Variants in CHST8 observed in about 807,000 individuals in gnomAD.
CHST8 encodes the protein GALNAC-4-ST1.
A neutral mutation model predicts 15.0 loss-of-function variants in CHST8; 10 were observed. That is an observed-to-expected ratio of 0.67 (90% CI 0.41 to 1.13). The LOEUF (loss-of-function observed/expected upper bound fraction) is 1.13. CHST8 is among the 50% of genes most tolerant of loss of function. The pLI is 0.00. For synonymous variants in CHST8, 259 were observed against 256.6 expected, an observed-to-expected ratio of 1.01 and a Z score of -0.09; for missense variants, 634 against 608.2, an observed-to-expected ratio of 1.04 and a Z score of -0.45.
chr19:33,624,357 C>G (rs1052196978), intron 1 of CHST8, among the ~76,000 whole-genome samples: 1 of 152,178 alleles, frequency 6.6e-6, no homozygotes, highest in Non-Finnish European at 1.5e-5. Context: ...AGAACATCCC[C>G]CTCGGACTGT....
chr19:33,652,277 AT>A (rs1159887396), intron 1 of CHST8, among the ~76,000 whole-genome samples: 1 of 148,748 alleles, frequency 6.7e-6, no homozygotes, highest in East Asian at 2.0e-4. Flanking sequence ...CACTTTCAAC[AT>A]TTCTGTGTCA....
chr19:33,663,957 A>G (rs1972618130), intron 1 of CHST8, among the ~76,000 whole-genome samples: 1 of 152,180 alleles, frequency 6.6e-6, no homozygotes, highest in African/African-American at 2.4e-5. Context: ...TTGTTAAGTG[A>G]AAAAAAGCAA....
chr19:33,732,412 A>G (rs1344145197), intron 3 of CHST8, among the ~76,000 whole-genome samples: 4 of 151,840 alleles, frequency 2.6e-5, no homozygotes, highest in African/African-American at 9.7e-5. Flanking sequence ...TACTTCAGAC[A>G]CTGGCCGCAA....
At chr19:33,658,806 C>T (rs1289348898) in intron 1 of CHST8, among the ~76,000 whole-genome samples, 2 of 152,042 alleles carry the variant, frequency 1.3e-5, no homozygotes, top group Non-Finnish European at 2.9e-5. Flanking sequence ...CAGTTTATTA[C>T]TTTTTCTACC....
At chr19:33,644,864 C>T (rs1430017796) in intron 1 of CHST8, among the ~76,000 whole-genome samples, 3 of 152,120 alleles carry the variant, frequency 2.0e-5, no homozygotes, top group Non-Finnish European at 2.9e-5. Context: ...CAAGGTGGGC[C>T]TCCCTGAGAA....
Position 33,772,211 on chromosome 19 carries a change from G to A in CHST8, c.423G>A (p.Thr141=), listed in dbSNP as rs761553832. 5 of 1,594,996 alleles carry A rather than the reference G, an allele frequency of 3.1e-6. No individual in the cohort carries two copies. Among genetic ancestry groups the A allele is most frequent in the Admixed American group, 3.5e-5 (2 of 57,956 alleles). The change falls in exon 5 of 5, where the codon ACG becomes ACA. Residue 141 remains threonine (T), a synonymous_variant. Transcript: ENST00000650847. ...DAPFIRPGPG[T]LDGRWVSLHR... is the part of the protein sequence containing the mutation. Reference sequence around the variant, plus strand: ...CCTTCATCCGGCCGGGACCCGGGACGCTGGATGGCCGCTGGGTCAGCCTGC... The same window carrying A: ...CCTTCATCCGGCCGGGACCCGGGACACTGGATGGCCGCTGGGTCAGCCTGC...
At chr19:33,627,107 G>GA (rs1009986149) in intron 1 of CHST8, among the ~76,000 whole-genome samples, 1 of 113,444 alleles carries the variant, frequency 8.8e-6, no homozygotes, top group Non-Finnish European at 1.8e-5. Context: ...TTGGGGGGGG[G>GA]GCGGGTGGGG....
In CHST8 at chr19:33,765,070, A is replaced by ATATATATATATATG. The variant is rs71181381; in HGVS notation, c.131-6340_131-6339insATATATATATGTAT. Reference sequence around the variant, plus strand: ...TATTCCATCATATATATATATATATATATCAGAGTTTCTTTATCCACTCGT... The same window carrying ATATATATATATATG: ...TATTCCATCATATATATATATATATATATATATATATATGTATCAGAGTTTCTTTATCCACTCGT... On this transcript the variant is annotated intron_variant, in intron 3 of 4. Coordinates refer to ENST00000650847, the MANE Select transcript of CHST8 (RefSeq NM_001127895.2). Among the ~76,000 whole-genome samples, 12 of 113,148 alleles carry ATATATATATATATG rather than the reference A, an allele frequency of 1.1e-4. 1 individual carries two copies. Among genetic ancestry groups the ATATATATATATATG allele is most frequent in the African/African-American group, 3.8e-4 (9 of 23,778 alleles). 74.2% of individuals were successfully genotyped at this position (113,148 alleles called of 152,430 possible).
intron 1 of CHST8, among the ~76,000 whole-genome samples, chr19:33,625,621 G>T (rs1972042577): frequency 6.6e-6 from 1 of 152,080 alleles, no homozygotes; most frequent in Admixed American, 6.5e-5. Context: ...CAGCACTTTG[G>T]GAGGCCGAGG....
In CHST8 at chr19:33,772,258, A is replaced by T; in HGVS notation, c.470A>T (p.Lys157Met). The change falls in exon 5 of 5, where the codon AAG becomes ATG. Residue 157 changes from lysine (K) to methionine (M), a missense_variant. Physicochemically the swap from Lys to Met is moderately conservative, Grantham distance 95. Transcript: ENST00000650847. ...CTGCACCGGAGCCAGCAGGAGCGCA[A>T]GCGGGTGATGCAGGAGGCCTGCGCC... is the stretch of plus-strand genomic sequence containing the variant. ...VSLHRSQQER[K>M]RVMQEACAKY... The T allele has an allele frequency of 6.2e-7, 1 of 1,600,526 alleles. No individual in the cohort carries two copies. The highest frequency in any genetic ancestry group is 8.5e-7 in the Non-Finnish European group (1 of 1,178,444).
intron 3 of CHST8, among the ~76,000 whole-genome samples, chr19:33,766,955 C>T (rs1209768689): frequency 6.6e-6 from 1 of 152,270 alleles, no homozygotes; most frequent in East Asian, 1.9e-4. Context: ...AACTCCACCA[C>T]AGACAGGGAC....
At chr19:33,689,140 C>A (rs7250388) in intron 2 of CHST8, 36 bp from the exon 3 acceptor site, 1 of 1,255,892 alleles carries the variant, frequency 8.0e-7, no homozygotes, top group Non-Finnish European at 1.1e-6. Flanking sequence ...GGGTGCCTCG[C>A]GCCTCGGTGA....
chr19:33,771,924 C>G, intron 4 of CHST8, 33 bp from the exon 5 acceptor site: 2 of 1,526,434 alleles, frequency 1.3e-6, no homozygotes, highest in Non-Finnish European at 1.8e-6. Flanking sequence ...GCTGTCCTTT[C>G]CACTCAGATA....
chr19:33,752,480 G>A (rs1252455329), intron 3 of CHST8, among the ~76,000 whole-genome samples: 3 of 152,172 alleles, frequency 2.0e-5, no homozygotes, highest in African/African-American at 4.8e-5. Flanking sequence ...TGTGTTGGCC[G>A]ATTAATATTC....
intron 1 of CHST8, among the ~76,000 whole-genome samples, chr19:33,640,706 G>A (rs908660229): frequency 2.6e-5 from 4 of 152,196 alleles, no homozygotes; most frequent in African/African-American, 9.7e-5. Context: ...CCGGGGATGT[G>A]ACTGAATCTT....
chr19:33,669,220 G>A (rs144223233), intron 2 of CHST8, among the ~76,000 whole-genome samples: 1 of 152,256 alleles, frequency 6.6e-6, no homozygotes, highest in Non-Finnish European at 1.5e-5. Flanking sequence ...TCACCCTTTG[G>A]CTACTGGCCA....
intron 1 of CHST8, among the ~76,000 whole-genome samples, chr19:33,648,095 G>A (rs1972376866): frequency 6.6e-6 from 1 of 152,084 alleles, no homozygotes; most frequent in Non-Finnish European, 1.5e-5. Flanking sequence ...GTGGGGGATT[G>A]GCCATAGGTA....
chr19:33,651,959 T>A (rs745389475), intron 1 of CHST8, among the ~76,000 whole-genome samples: 1 of 148,156 alleles, frequency 6.7e-6, no homozygotes, highest in Non-Finnish European at 1.5e-5. Context: ...ATATTCTTAA[T>A]TTTTTTTGGC....
intron 2 of CHST8, among the ~76,000 whole-genome samples, chr19:33,673,737 G>A (rs900658534): frequency 1.3e-5 from 2 of 152,078 alleles, no homozygotes; most frequent in African/African-American, 4.8e-5. Context: ...GGCTCTAGCT[G>A]AGACCCTTCT....
Sources: allele counts gnomAD v4.1 joint callset (sites outside exome capture counted in the v4.1 genomes callset), GRCh38; gene constraint gnomAD v4.1.1; transcripts MANE v1.5; gene names NCBI Gene and HGNC (gene_info 2026-07-23, HGNC 2026-07-21).